The following ZSWIM6 variants were observed in gnomAD, a reference collection of about 807,000 sequenced individuals.
The protein encoded by ZSWIM6 is zinc finger SWIM domain-containing protein 6.
ZSWIM6 carries 9 observed loss-of-function variants against 113.2 expected under a neutral mutation model. The observed-to-expected ratio is 0.08, with a 90% CI of 0.05 to 0.14. ZSWIM6 has a LOEUF of 0.14. Ranked by LOEUF, ZSWIM6 falls within the 10% of genes least tolerant of loss-of-function variation. ZSWIM6 has a pLI of 1.00. For synonymous variants in ZSWIM6, 611 were observed against 606.5 expected (o/e 1.01, Z -0.11); for missense variants, 1,162 against 1,552.2 (o/e 0.75, Z 4.22).
intron 1 of ZSWIM6, among the ~76,000 whole-genome samples, chr5:61,336,458 T>C (rs560499716): frequency 2.0e-5 from 3 of 152,040 alleles, no homozygotes; most frequent in African/African-American, 7.2e-5. Flanking sequence ...ATAAATTTAA[T>C]TGGATAAAAA....
Position 61,525,957 on chromosome 5 carries a change from C to T in ZSWIM6, c.1671C>T (p.Arg557=), listed in dbSNP as rs374446583. 76 of 1,552,018 alleles carry T rather than the reference C, an allele frequency of 4.9e-5. 1 individual carries two copies. The highest frequency in any genetic ancestry group is 1.3e-4 in the South Asian group (11 of 84,066). Residue 557 remains arginine (R), a synonymous_variant, in exon 6 of 14, where the codon CGC becomes CGT. Coordinates refer to ENST00000252744, the MANE Select transcript of ZSWIM6 (RefSeq NM_020928.2). ...DDTENSLFDS[R]GWPLWHEHVP... Reference sequence around the variant, plus strand: ...CTGAAAACTCCCTCTTCGACTCCCGCGGGTGGCCCCTCTGGCATGGTAAGT... The same window carrying T: ...CTGAAAACTCCCTCTTCGACTCCCGTGGGTGGCCCCTCTGGCATGGTAAGT...
chr5:61,461,958 G>C lies in ZSWIM6; in HGVS notation c.677-10723G>C, dbSNP rs539191105. On this transcript the variant is annotated intron_variant, in intron 1 of 13. Coordinates refer to ENST00000252744, the MANE Select transcript of ZSWIM6 (RefSeq NM_020928.2). Reference sequence around the variant, plus strand: ...AAGAAAAAATGTGCCATTTAGCCAAGGTAAAAATATATCTACCTCACTGTT... The same window carrying C: ...AAGAAAAAATGTGCCATTTAGCCAACGTAAAAATATATCTACCTCACTGTT... Among the ~76,000 whole-genome samples the C allele has an allele frequency of 2.0e-5, 3 of 152,192 alleles. No homozygotes were observed. The South Asian group carries it at 6.2e-4, about 32-fold the overall frequency.
At chr5:61,378,746 G>A (rs1745421009) in intron 1 of ZSWIM6, among the ~76,000 whole-genome samples, 1 of 151,876 alleles carries the variant, frequency 6.6e-6, no homozygotes, top group African/African-American at 2.4e-5. Flanking sequence ...TAGTAGAGAT[G>A]GGGTTTCTCA....
chr5:61,424,602 C>G (rs1481050905), intron 1 of ZSWIM6, among the ~76,000 whole-genome samples: 1 of 152,138 alleles, frequency 6.6e-6, no homozygotes, highest in Non-Finnish European at 1.5e-5. Context: ...GCAAGCTTCA[C>G]TTTTGGGCTG....
intron 2 of ZSWIM6, among the ~76,000 whole-genome samples, chr5:61,473,425 A>C (rs969578564): frequency 1.3e-5 from 2 of 152,184 alleles, no homozygotes; most frequent in African/African-American, 4.8e-5. Flanking sequence ...AAAGCCTCTG[A>C]CCGGTTGCCT....
rs1749861654 is a variant in ZSWIM6, at chr5:61,545,440, A to G, written c.*1123A>G. 6.6e-6 allele frequency: 1 copy of G among 152,098 alleles called. No homozygotes were observed. The highest frequency in any genetic ancestry group is 6.6e-5 in the Admixed American group (1 of 15,260). The allele number at this position is 152,098 out of a possible 1,614,324, so 9.4% of individuals were successfully genotyped here. ...AATTGGGGTTCGTGCCTCCTAGCCT[A>G]GGAAACTTAAAAGAAATATCCTTTT... On this transcript the variant is annotated 3_prime_UTR_variant, in exon 14 of 14. Coordinates refer to ENST00000252744, the MANE Select transcript of ZSWIM6 (RefSeq NM_020928.2).
intron 1 of ZSWIM6, among the ~76,000 whole-genome samples, chr5:61,382,686 T>A (rs1424193203): frequency 6.6e-6 from 1 of 152,034 alleles, no homozygotes; most frequent in Non-Finnish European, 1.5e-5. Context: ...ACTCTGGTAG[T>A]CCCAGCTACT....
chr5:61,345,951 C>T (rs1379753202), intron 1 of ZSWIM6, among the ~76,000 whole-genome samples: 1 of 152,066 alleles, frequency 6.6e-6, no homozygotes, highest in African/African-American at 2.4e-5. Flanking sequence ...TACATTCTTA[C>T]ATCTTTTTGT....
chr5:61,350,461 G>A (rs544023552), intron 1 of ZSWIM6, among the ~76,000 whole-genome samples: 14 of 152,108 alleles, frequency 9.2e-5, no homozygotes, highest in Admixed American at 8.5e-4. Flanking sequence ...TTCATATATA[G>A]GAGATACATT....
chr5:61,503,241 G>A (rs1748520732), intron 4 of ZSWIM6, among the ~76,000 whole-genome samples: 1 of 152,090 alleles, frequency 6.6e-6, no homozygotes, highest in Admixed American at 6.6e-5. Context: ...TGGTCTTAGG[G>A]CTATTTTCTT....
At chr5:61,399,068 G>T (rs1579975982) in intron 1 of ZSWIM6, among the ~76,000 whole-genome samples, 1 of 151,276 alleles carries the variant, frequency 6.6e-6, no homozygotes. Flanking sequence ...GACTACAGAC[G>T]CATGCCACCA....
chr5:61,353,508 A>T (rs1744833630), intron 1 of ZSWIM6, among the ~76,000 whole-genome samples: 1 of 152,160 alleles, frequency 6.6e-6, no homozygotes. Flanking sequence ...GTCTTTTTGC[A>T]CATGTGTCAT....
At chr5:61,339,134 G>A (rs1323739848) in intron 1 of ZSWIM6, among the ~76,000 whole-genome samples, 1 of 152,196 alleles carries the variant, frequency 6.6e-6, no homozygotes, top group Non-Finnish European at 1.5e-5. Flanking sequence ...AGCTAGTAAT[G>A]TGTTCAGTAA....
At chr5:61,502,837 A>G (rs1748509812) in intron 4 of ZSWIM6, among the ~76,000 whole-genome samples, 1 of 152,146 alleles carries the variant, frequency 6.6e-6, no homozygotes, top group Admixed American at 6.5e-5. Flanking sequence ...TCCTTATGAG[A>G]ATCTAATGCC....
intron 12 of ZSWIM6, 66 bp from the exon 13 acceptor site, chr5:61,541,818 C>A (rs1440138125): frequency 3.9e-6 from 5 of 1,282,426 alleles, no homozygotes; most frequent in African/African-American, 3.0e-5. Context: ...TATAGTTTAT[C>A]CCCCCCCTTT....
intron 1 of ZSWIM6, among the ~76,000 whole-genome samples, chr5:61,412,345 A>AGGTT (rs1368772015): frequency 3.9e-5 from 6 of 152,168 alleles, no homozygotes; most frequent in African/African-American, 1.4e-4. Context: ...GCAGCATCCT[A>AGGTT]GGTTTGATCC....
At chr5:61,377,779 A>T (rs929841202) in intron 1 of ZSWIM6, among the ~76,000 whole-genome samples, 2 of 152,210 alleles carry the variant, frequency 1.3e-5, no homozygotes, top group Non-Finnish European at 2.9e-5. Context: ...CTCCACAAAG[A>T]TAGACAAATT....
intron 1 of ZSWIM6, among the ~76,000 whole-genome samples, 156 bp downstream of exon 1, chr5:61,333,104 C>A (rs1243486582): frequency 1.3e-5 from 2 of 151,572 alleles, no homozygotes. Flanking sequence ...CTGAGCGGAG[C>A]GCCCATTTCC....
chr5:61,447,236 G>T (rs1746974308), intron 1 of ZSWIM6, among the ~76,000 whole-genome samples: 1 of 151,874 alleles, frequency 6.6e-6, no homozygotes, highest in African/African-American at 2.4e-5. Context: ...AAGAATATTG[G>T]GGCCAAACAG....
Sources: gnomAD v4.1 joint callset for allele counts (sites outside exome capture counted in the v4.1 genomes callset) on GRCh38, gnomAD v4.1.1 for gene constraint, MANE v1.5 for transcripts, NCBI Gene and HGNC (gene_info 2026-07-23, HGNC 2026-07-21) for gene names.